The following ZNF107 variants were observed in gnomAD, a reference collection of about 807,000 sequenced individuals.
ZNF107 encodes the protein C2H2 type zinc-finger protein.
Under a neutral mutation model 12.3 loss-of-function variants are expected in ZNF107, and 19 were observed. The observed-to-expected ratio is 1.55, with a 90% CI of 1.08 to 2.27. The LOEUF is 2.27. ZNF107 is among the 30% of genes most tolerant of loss of function. The probability of loss-of-function intolerance (pLI) is 0.00; values close to 1 mark genes in which losing one functional copy is unlikely to be tolerated. For missense variants in ZNF107, 958 were observed against 979.9 expected, an observed-to-expected ratio of 0.98 and a Z score of 0.30; for synonymous variants, 317 against 330.5, an observed-to-expected ratio of 0.96 and a Z score of 0.44.
rs1790730307 is a variant in ZNF107 at position 64,707,886 on chromosome 7, G to A, written c.1789G>A (p.Glu597Lys). 1 of 1,613,634 alleles carries A rather than the reference G, an allele frequency of 6.2e-7. No individual in the cohort carries two copies. Among genetic ancestry groups the A allele is most frequent in the East Asian group, 2.2e-5 (1 of 44,826 alleles). The change falls in exon 4 of 4, where the codon GAA (glutamate) becomes AAA (lysine). Residue 597 changes from glutamate to lysine, a missense_variant. Glu to Lys is a moderately conservative substitution (Grantham distance 56, BLOSUM62 1). Coordinates refer to ENST00000620827, the MANE Select transcript of ZNF107 (RefSeq NM_001282359.2). ...TAAAGAGAAACTCAACAAATGTGAA[G>A]AATTTGGCAAGGCCTTTAAACAGTC... ...HTKEKLNKCE[E>K]FGKAFKQSSH...
intron 1 of ZNF107, among the ~76,000 whole-genome samples, chr7:64,688,817 AG>A (rs1243335770): frequency 3.9e-5 from 6 of 152,218 alleles, no homozygotes; most frequent in Non-Finnish European, 8.8e-5. Context: ...TGCCACAAGT[AG>A]GTATAAATTA....
At chr7:64,672,962 A>G (rs941501275) in intron 1 of ZNF107, among the ~76,000 whole-genome samples, 23 of 152,196 alleles carry the variant, frequency 1.5e-4, no homozygotes, top group South Asian at 4.1e-4. Context: ...GTTATTAACA[A>G]CAGCCATTCT....
chr7:64,710,614 A>G lies in ZNF107; in HGVS notation c.*1958A>G, dbSNP rs1456564688. 1 of 150,772 alleles carries G rather than the reference A, an allele frequency of 6.6e-6. No homozygotes were observed. The highest frequency in any genetic ancestry group is 1.5e-5 in the Non-Finnish European group (1 of 67,780). 9.3% of individuals were successfully genotyped at this position (150,772 alleles called of 1,614,324 possible). On this transcript the variant is annotated 3_prime_UTR_variant, in exon 4 of 4. Coordinates refer to ENST00000620827, the MANE Select transcript of ZNF107 (RefSeq NM_001282359.2). The stretch of plus-strand genomic sequence containing the variant: ...AATTTTTTTGTAGATGTATAATTAC[A>G]TTCAAATTATATTTTTTCTTGAAAA...
intron 1 of ZNF107, among the ~76,000 whole-genome samples, chr7:64,674,815 G>A (rs1164559762): frequency 1.3e-5 from 2 of 152,130 alleles, no homozygotes; most frequent in African/African-American, 4.8e-5. Flanking sequence ...TTAATGCGAA[G>A]GATGTTGAAT....
intron 1 of ZNF107, among the ~76,000 whole-genome samples, chr7:64,672,621 C>T (rs762021357): frequency 7.2e-5 from 11 of 152,156 alleles, no homozygotes; most frequent in African/African-American, 9.7e-5. Context: ...CCTCAGCTTA[C>T]GAAAGTGCTG....
intron 3 of ZNF107, among the ~76,000 whole-genome samples, chr7:64,700,506 CTTTTTTTTTTTTT>C (rs141980471): frequency 1.2e-4 from 8 of 66,226 alleles, no homozygotes; most frequent in Non-Finnish European, 1.3e-4. Context: ...CCAAATAAAC[CTTTTTTTTTTTTT>C]TTTTTTTTTT....
intron 3 of ZNF107, among the ~76,000 whole-genome samples, chr7:64,702,523 T>G (rs1790508768): frequency 6.6e-6 from 1 of 152,166 alleles, no homozygotes; most frequent in Non-Finnish European, 1.5e-5. Flanking sequence ...TTATTTTATA[T>G]TGTGTATTTG....
chr7:64,675,283 T>C (rs1789376884), intron 1 of ZNF107, among the ~76,000 whole-genome samples: 1 of 152,178 alleles, frequency 6.6e-6, no homozygotes, highest in African/African-American at 2.4e-5. Context: ...TTGGAGCTTG[T>C]TATTGGTCTA....
intron 3 of ZNF107, among the ~76,000 whole-genome samples, chr7:64,700,621 C>T (rs555080641): frequency 7.0e-6 from 1 of 142,414 alleles, no homozygotes; most frequent in Non-Finnish European, 1.5e-5. Flanking sequence ...CTCACTGCAA[C>T]CTCAGCCTCC....
chr7:64,667,544 C>T (rs1381675549), intron 1 of ZNF107, among the ~76,000 whole-genome samples: 1 of 152,198 alleles, frequency 6.6e-6, no homozygotes, highest in African/African-American at 2.4e-5. Flanking sequence ...CCTCAGCCAC[C>T]TTTCGGTTTT....
rs1790824413 is a variant in ZNF107 at position 64,709,798 on chromosome 7, CAAG to C, written c.*1144_*1146del. On this transcript the variant is annotated 3_prime_UTR_variant, in exon 4 of 4. Coordinates refer to ENST00000620827, the MANE Select transcript of ZNF107 (RefSeq NM_001282359.2). ...AAAGCATTATAAATGCAATTTTTGT[CAAG>C]AGATCTTTCAGAAAATATAAGCCTT... 1 of 448,044 alleles carries C rather than the reference CAAG, an allele frequency of 2.2e-6. No individual in the cohort carries two copies. Among genetic ancestry groups the C allele is most frequent in the Middle Eastern group, 3.3e-4 (1 of 3,056 alleles). 27.8% of individuals were successfully genotyped at this position (448,044 alleles called of 1,614,324 possible). A position where few individuals can be genotyped will look rare whatever the true frequency, so the allele number is the denominator to read the frequency against.
At chr7:64,675,235 C>CT (rs1789375611) in intron 1 of ZNF107, among the ~76,000 whole-genome samples, 1 of 151,966 alleles carries the variant, frequency 6.6e-6, no homozygotes, top group African/African-American at 2.4e-5. Flanking sequence ...GGTCCTGAGC[C>CT]TTTTTTGGTT....
In ZNF107 at chr7:64,706,647, G is replaced by A. The variant is rs75081833; in HGVS notation, c.550G>A (p.Val184Met). Residue 184 changes from valine to methionine, a missense_variant, in exon 4 of 4, where the codon GTG becomes ATG. By Grantham distance (21) the Val-to-Met change is conservative. Transcript: ENST00000620827. ...KCKECSKSFC[V>M]LSQLTQHRRI... ...TAAAGAATGTAGCAAATCATTTTGC[G>A]TGCTTTCACAACTAACTCAGCATAG... is the stretch of plus-strand genomic sequence containing the variant. 3.7e-5 allele frequency: 59 copies of A among 1,613,334 alleles called. No homozygotes were observed. The highest frequency in any genetic ancestry group is 1.7e-4 in the Middle Eastern group (1 of 6,060).
At position 64,709,681 on chromosome 7, in the gene ZNF107, A is replaced by G. The variant is rs1353367804; in HGVS notation, c.*1025A>G. The G allele has an allele frequency of 2.2e-6, 1 of 454,818 alleles. No individual in the cohort carries two copies. The highest frequency in any genetic ancestry group is 7.0e-5 in the East Asian group (1 of 14,374). The allele number at this position is 454,818 out of a possible 1,614,324, so 28.2% of individuals were successfully genotyped here. A position where few individuals can be genotyped will look rare whatever the true frequency, so the allele number is the denominator to read the frequency against. ...CCTTATTGCACAGGAAAGCATTTAT[A>G]CTTCAGAAAGATTGTACAAATACAA... On this transcript the variant is annotated 3_prime_UTR_variant, in exon 4 of 4. Coordinates refer to ENST00000620827, the MANE Select transcript of ZNF107 (RefSeq NM_001282359.2).
chr7:64,695,482 G>T (rs1790258012), intron 3 of ZNF107, among the ~76,000 whole-genome samples: 1 of 152,110 alleles, frequency 6.6e-6, no homozygotes, highest in African/African-American at 2.4e-5. Flanking sequence ...TTCCATATTA[G>T]TGTGGTTTTT....
At chr7:64,703,520 C>G (rs2128967346) in intron 3 of ZNF107, among the ~76,000 whole-genome samples, 1 of 152,268 alleles carries the variant, frequency 6.6e-6, no homozygotes, top group Admixed American at 6.5e-5. Flanking sequence ...ACCTCCACCT[C>G]TCAGGTTCAA....
intron 1 of ZNF107, among the ~76,000 whole-genome samples, chr7:64,682,459 C>T (rs1311414262): frequency 6.6e-6 from 1 of 152,132 alleles, no homozygotes; most frequent in Admixed American, 6.6e-5. Flanking sequence ...CCCAAACCTT[C>T]CCTCATTCAT....
At chr7:64,680,722 A>G (rs1440733183) in intron 1 of ZNF107, among the ~76,000 whole-genome samples, 3 of 152,218 alleles carry the variant, frequency 2.0e-5, no homozygotes, top group African/African-American at 4.8e-5. Context: ...AGCTCCCGAC[A>G]TTAGAAAAAA....
In ZNF107 at chr7:64,706,747, C is replaced by A. The variant is rs1211370756; in HGVS notation, c.650C>A (p.Thr217Asn). 4 of 1,612,638 alleles carry A rather than the reference C, an allele frequency of 2.5e-6. No individual in the cohort carries two copies. Among genetic ancestry groups the A allele is most frequent in the Non-Finnish European group, 3.4e-6 (4 of 1,179,546 alleles). The change falls in exon 4 of 4, where the codon ACT becomes AAT. Residue 217 changes from threonine to asparagine, a missense_variant. Transcript: ENST00000620827. ...GCCTTTAACTGGTTCTCAACTCTTA[C>A]TAAACATAAGAGAATTCATACTGGA... ...GKAFNWFSTL[T>N]KHKRIHTGEK...
Sources: gnomAD v4.1 joint callset for allele counts (sites outside exome capture counted in the v4.1 genomes callset) on GRCh38, gnomAD v4.1.1 for gene constraint, MANE v1.5 for transcripts, NCBI Gene and HGNC (gene_info 2026-07-23, HGNC 2026-07-21) for gene names.